Variants in HPSE2 observed in about 807,000 individuals in gnomAD.
The protein encoded by HPSE2 is heparanase 2 (inactive), also known as inactive heparanase-2.
HPSE2 carries 38 observed loss-of-function variants against 60.5 expected under a neutral mutation model. That is an observed-to-expected ratio of 0.63 (90% confidence interval 0.48 to 0.82). HPSE2 has a LOEUF of 0.82. Among genes scored for constraint, HPSE2 ranks in the 40% least tolerant of loss-of-function variants. HPSE2 has a pLI of 0.00. For synonymous variants in HPSE2, 295 were observed against 293.2 expected (o/e 1.01, Z -0.06); for missense variants, 713 against 740.4 (o/e 0.96, Z 0.43).
chr10:98,749,923 T>TA (rs373948638), intron 3 of HPSE2, among the ~76,000 whole-genome samples: 2 of 99,564 alleles, frequency 2.0e-5, no homozygotes, highest in Middle Eastern at 5.0e-3. Context: ...TATATATATA[T>TA]TAAACACTAT....
chr10:98,575,289 G>T (rs550249319), intron 9 of HPSE2, among the ~76,000 whole-genome samples: 9 of 152,106 alleles, frequency 5.9e-5, no homozygotes, highest in Non-Finnish European at 1.3e-4. Flanking sequence ...TTGGAATACA[G>T]GTACCCATTC....
At chr10:99,069,578 TTATG>T (rs758508194) in intron 3 of HPSE2, among the ~76,000 whole-genome samples, 24 of 151,108 alleles carry the variant, frequency 1.6e-4, no homozygotes, top group Middle Eastern at 3.4e-3. Context: ...TCCTTCCCTC[TTATG>T]TATTTACATT....
At position 98,933,040 on chromosome 10, in the gene HPSE2, T is replaced by C. The variant is rs1337260822; in HGVS notation, c.611-188984A>G. On this transcript the variant is annotated intron_variant, in intron 3 of 11. Coordinates refer to ENST00000370552, the MANE Select transcript of HPSE2 (RefSeq NM_021828.5). ...TTGTTTGCTCTTGGTTCTCTAGTTATTTTAGTTGTGATGTTAAGGTGTTGA... is the reference window on the plus strand; with the variant it reads ...TTGTTTGCTCTTGGTTCTCTAGTTACTTTAGTTGTGATGTTAAGGTGTTGA... Among the ~76,000 whole-genome samples, 2 of 144,068 alleles carry C rather than the reference T, an allele frequency of 1.4e-5. 1 individual carries two copies. The highest frequency in any genetic ancestry group is 3.0e-5 in the Non-Finnish European group (2 of 67,220). 94.5% of individuals were successfully genotyped at this position (144,068 alleles called of 152,430 possible).
upstream of HPSE2, among the ~76,000 whole-genome samples, chr10:99,240,664 G>A (rs1028710428): frequency 6.6e-5 from 10 of 151,934 alleles, no homozygotes; most frequent in Admixed American, 1.3e-4. Flanking sequence ...TGCCCGCCTC[G>A]GCTTCCAAAA....
At chr10:99,183,779 A>G (rs1485997852) in intron 2 of HPSE2, among the ~76,000 whole-genome samples, 2 of 152,178 alleles carry the variant, frequency 1.3e-5, no homozygotes, top group Non-Finnish European at 2.9e-5. Flanking sequence ...AGGAAGAAGT[A>G]AGTGAAGCAA....
chr10:98,774,624 A>G (rs1411573804), intron 3 of HPSE2, among the ~76,000 whole-genome samples: 1 of 152,082 alleles, frequency 6.6e-6, no homozygotes, highest in Non-Finnish European at 1.5e-5. Context: ...TGGGTGAGGC[A>G]TGGGGCTGCT....
chr10:99,047,936 G>A (rs868860594), intron 3 of HPSE2: 3 of 751,202 alleles, frequency 4.0e-6, no homozygotes, highest in Middle Eastern at 3.5e-4. Context: ...AGGTATCGAT[G>A]GTGTTAGCCC....
chr10:98,802,240 G>A (rs899732544), intron 3 of HPSE2, among the ~76,000 whole-genome samples: 7 of 151,470 alleles, frequency 4.6e-5, no homozygotes, highest in African/African-American at 1.7e-4. Context: ...GAAAACATTG[G>A]GAAAACTCTC....
At chr10:98,541,655 C>G (rs915987730) in intron 9 of HPSE2, among the ~76,000 whole-genome samples, 2 of 148,444 alleles carry the variant, frequency 1.3e-5, no homozygotes, top group Non-Finnish European at 3.0e-5. Context: ...AACGGCACAC[C>G]AGGAGATTAC....
At chr10:99,131,276 A>AAG (rs1473317901) in intron 3 of HPSE2, among the ~76,000 whole-genome samples, 1 of 152,192 alleles carries the variant, frequency 6.6e-6, no homozygotes, top group Non-Finnish European at 1.5e-5. Flanking sequence ...AAACAGTATG[A>AAG]AGATTCCTTA....
At chr10:99,305,394 C>A in the HPSE2 span, among the ~76,000 whole-genome samples, 1 of 152,158 alleles carries the variant, frequency 6.6e-6, no homozygotes, top group Non-Finnish European at 1.5e-5. Context: ...CAAAAGTGGA[C>A]TAGTCTGACC....
intron 3 of HPSE2, among the ~76,000 whole-genome samples, chr10:98,904,848 G>A (rs546907372): frequency 1.3e-5 from 2 of 152,160 alleles, no homozygotes; most frequent in East Asian, 3.9e-4. Flanking sequence ...AAATTGTCTG[G>A]ACAAACAATT....
intron 3 of HPSE2, among the ~76,000 whole-genome samples, chr10:98,779,986 T>C (rs1029827526): frequency 6.6e-6 from 1 of 152,156 alleles, no homozygotes; most frequent in African/African-American, 2.4e-5. Flanking sequence ...TCTCATAATA[T>C]ATATTTTTTT....
In HPSE2 at chr10:99,222,018, G is replaced by A. The variant is rs546129045; in HGVS notation, c.448+10330C>T. Among the ~76,000 whole-genome samples, 4 of 152,260 alleles carry A rather than the reference G, an allele frequency of 2.6e-5. No individual in the cohort carries two copies. In the East Asian group the frequency reaches 7.7e-4, roughly 29 times the overall value. On this transcript the variant is annotated intron_variant, in intron 2 of 11. Coordinates refer to ENST00000370552, the MANE Select transcript of HPSE2 (RefSeq NM_021828.5). ...TGCTACAGAACAGGTGTGAGGTGAT[G>A]AGTGCCCAAACCAGATGAAAACAGT...
At chr10:98,814,448 T>C (rs1951239385) in intron 3 of HPSE2, among the ~76,000 whole-genome samples, 1 of 152,140 alleles carries the variant, frequency 6.6e-6, no homozygotes, top group African/African-American at 2.4e-5. Flanking sequence ...GAAAATATAA[T>C]GTGATTAGGC....
intron 9 of HPSE2, among the ~76,000 whole-genome samples, chr10:98,533,884 G>A (rs1486258840): frequency 6.6e-6 from 1 of 152,130 alleles, no homozygotes; most frequent in African/African-American, 2.4e-5. Context: ...ATTTCAAAAT[G>A]ACCATTTTCA....
At chr10:98,689,300 CTTCT>C (rs1439249302) in intron 6 of HPSE2, among the ~76,000 whole-genome samples, 4 of 152,080 alleles carry the variant, frequency 2.6e-5, no homozygotes, top group Non-Finnish European at 4.4e-5. Context: ...TTTCCTTTCT[CTTCT>C]TTAAGTTGTA....
chr10:99,171,997 A>G (rs2133804575), intron 2 of HPSE2, among the ~76,000 whole-genome samples: 1 of 152,342 alleles, frequency 6.6e-6, no homozygotes, highest in Non-Finnish European at 1.5e-5. Flanking sequence ...AATTCTAAAA[A>G]TTAAAATAAA....
intron 6 of HPSE2, among the ~76,000 whole-genome samples, chr10:98,684,655 T>C (rs181507064): frequency 6.6e-6 from 1 of 152,254 alleles, no homozygotes; most frequent in Admixed American, 6.5e-5. Context: ...ATTCTCATCT[T>C]CCATAGGAGC....
Sources: gnomAD v4.1 joint callset for allele counts (sites outside exome capture counted in the v4.1 genomes callset) on GRCh38, gnomAD v4.1.1 for gene constraint, MANE v1.5 for transcripts, NCBI Gene and HGNC (gene_info 2026-07-23, HGNC 2026-07-21) for gene names.